The following DYNC2I2 variants were observed in gnomAD, a reference collection of about 807,000 sequenced individuals.
DYNC2I2 encodes the protein dynein 2 intermediate chain 2, also known as cytoplasmic dynein 2 intermediate chain 2.
Under a neutral mutation model 52.0 loss-of-function variants are expected in DYNC2I2, and 39 were observed. The observed-to-expected ratio is 0.75, with a 90% CI of 0.58 to 0.98. The LOEUF is 0.98. Ranked by LOEUF, DYNC2I2 falls within the 50% of genes least tolerant of loss-of-function variation. The pLI, the probability that DYNC2I2 is intolerant of heterozygous loss-of-function variation, is 0.00. For missense variants in DYNC2I2, 743 were observed against 728.4 expected (o/e 1.02, Z -0.23); for synonymous variants, 359 against 321.1 (o/e 1.12, Z -1.26).
the DYNC2I2 span, among the ~76,000 whole-genome samples, chr9:128,671,875 G>C: frequency 1.8e-3 from 279 of 151,548 alleles, 2 homozygotes; most frequent in Admixed American, 3.4e-3. Flanking sequence ...GGATGGTCTC[G>C]ATCTCCTGAC....
At chr9:128,647,731 CAAAAA>C (rs35883171) in intron 1 of DYNC2I2, among the ~76,000 whole-genome samples, 1 of 73,980 alleles carries the variant, frequency 1.4e-5, no homozygotes. Context: ...GACTCCATCT[CAAAAA>C]AAAAAAAAAA....
chr9:128,655,781 G>A (rs1292875035), intron 1 of DYNC2I2, among the ~76,000 whole-genome samples: 1 of 151,214 alleles, frequency 6.6e-6, no homozygotes, highest in Non-Finnish European at 1.5e-5. Context: ...CGTGCTGGCG[G>A]CCGCCTGTAG....
chr9:128,644,247 A>C (rs998132343), intron 1 of DYNC2I2, among the ~76,000 whole-genome samples: 1 of 150,994 alleles, frequency 6.6e-6, no homozygotes, highest in African/African-American at 2.4e-5. Flanking sequence ...TCACACAGCA[A>C]AAGGTGATCG....
intron 1 of DYNC2I2, among the ~76,000 whole-genome samples, chr9:128,644,358 T>C (rs1860573809): frequency 6.6e-6 from 1 of 151,264 alleles, no homozygotes; most frequent in Non-Finnish European, 1.5e-5. Flanking sequence ...GCAATCTAGC[T>C]CTGCCTCTTG....
the DYNC2I2 span, among the ~76,000 whole-genome samples, chr9:128,673,306 C>T: frequency 6.6e-6 from 1 of 152,128 alleles, no homozygotes; most frequent in Non-Finnish European, 1.5e-5. Flanking sequence ...TTGTCAAAAA[C>T]ATTTGTTAAT....
chr9:128,670,003 A>G, the DYNC2I2 span, among the ~76,000 whole-genome samples: 4 of 152,276 alleles, frequency 2.6e-5, no homozygotes, highest in East Asian at 5.8e-4. Flanking sequence ...TTGACTGGGC[A>G]TGGTGGTGAA....
At chr9:128,674,037 A>T in the DYNC2I2 span, among the ~76,000 whole-genome samples, 1 of 149,654 alleles carries the variant, frequency 6.7e-6, no homozygotes, top group Non-Finnish European at 1.5e-5. Flanking sequence ...CTAACTCCCA[A>T]CCTCAGGTGA....
intron 1 of DYNC2I2, among the ~76,000 whole-genome samples, chr9:128,654,060 G>A (rs916193909): frequency 7.9e-5 from 12 of 152,152 alleles, no homozygotes; most frequent in African/African-American, 2.9e-4. Flanking sequence ...GCTATTTTGA[G>A]TATTGCTTAA....
At chr9:128,674,514 A>G in the DYNC2I2 span, among the ~76,000 whole-genome samples, 8 of 151,028 alleles carry the variant, frequency 5.3e-5, no homozygotes, top group African/African-American at 1.9e-4. Flanking sequence ...GAGGCCAAGG[A>G]CGGTGGATCA....
At chr9:128,657,504 T>A (rs923276794), upstream of DYNC2I2, among the ~76,000 whole-genome samples, 2 of 151,638 alleles carry the variant, frequency 1.3e-5, no homozygotes, top group Non-Finnish European at 2.9e-5. Context: ...AAAATAAAAA[T>A]AAAGAATAAA....
chr9:128,676,532 ATT>A, the DYNC2I2 span, among the ~76,000 whole-genome samples: 1,540 of 134,138 alleles, frequency 0.011, 19 homozygotes, highest in African/African-American at 0.031. Context: ...ATGTGTTTGA[ATT>A]TTTTTTTTTT....
intron 1 of DYNC2I2, among the ~76,000 whole-genome samples, chr9:128,648,962 T>A (rs1303978437): frequency 1.3e-5 from 2 of 152,014 alleles, no homozygotes; most frequent in Non-Finnish European, 2.9e-5. Context: ...ACCATTCAAT[T>A]CAGCATTTCC....
At chr9:128,684,008 G>T in the DYNC2I2 span, 3 of 1,542,448 alleles carry the variant, frequency 1.9e-6, no homozygotes, top group Non-Finnish European at 2.6e-6. Context: ...AAGAAGGGAG[G>T]TACGTTTCTG....
At position 128,640,918 on chromosome 9, in the gene DYNC2I2, T is replaced by C. The variant is rs769015293; in HGVS notation, c.208A>G (p.Ile70Val). 6.3e-7 allele frequency: 1 copy of C among 1,596,414 alleles called. No individual in the cohort carries two copies. The highest frequency in any genetic ancestry group is 2.2e-5 in the East Asian group (1 of 44,590). Residue 70 changes from isoleucine (I) to valine (V), a missense_variant, in exon 2 of 9, where the codon ATT becomes GTT. Coordinates refer to ENST00000372715, the MANE Select transcript of DYNC2I2 (RefSeq NM_052844.4). ...WETKSCQTAS[I>V]ATASASAQAR... ...TGGGCGGATGCACTGGCAGTGGCAA[T>C]GCTGGCCGTCTGGCAACTTTTCTGG... is the stretch of plus-strand genomic sequence containing the variant.
chr9:128,679,817 A>G, the DYNC2I2 span, among the ~76,000 whole-genome samples: 3 of 151,574 alleles, frequency 2.0e-5, no homozygotes, highest in African/African-American at 7.3e-5. Context: ...ACTGCATTCC[A>G]GCCTGGGCAA....
intron 1 of DYNC2I2, among the ~76,000 whole-genome samples, chr9:128,655,457 G>A (rs2132186641): frequency 6.8e-6 from 1 of 146,758 alleles, no homozygotes; most frequent in South Asian, 2.2e-4. Context: ...CTTGCAGTGA[G>A]CAGAGATCGC....
chr9:128,674,642 C>T, the DYNC2I2 span, among the ~76,000 whole-genome samples: 1 of 152,104 alleles, frequency 6.6e-6, no homozygotes. Flanking sequence ...ACTTGGGAGG[C>T]TGAGGCAGGA....
intron 6 of DYNC2I2, 48 bp from the exon 7 acceptor site, chr9:128,634,969 G>T: frequency 6.2e-7 from 1 of 1,601,654 alleles, no homozygotes; most frequent in South Asian, 1.1e-5. Context: ...GCATCAGATG[G>T]CACTGTCCCA....
At position 128,640,861 on chromosome 9, in the gene DYNC2I2, T is replaced by C. The variant is rs769004254; in HGVS notation, c.265A>G (p.Thr89Ala). The change falls in exon 2 of 9, where the codon ACG becomes GCG. Residue 89 changes from threonine (T) to alanine (A), a missense_variant. By Grantham distance (58) the Thr-to-Ala change is moderately conservative. Coordinates refer to ENST00000372715, the MANE Select transcript of DYNC2I2 (RefSeq NM_052844.4). ...ACGCTGACAGGCACGGGGGCCTCCG[T>C]CTGCACCTGGGCGTCCACATGATTC... is the stretch of plus-strand genomic sequence containing the variant. The part of the protein sequence containing the change: ...ARNHVDAQVQ[T>A]EAPVPVSVQP... 1 of 1,613,868 alleles carries C rather than the reference T, an allele frequency of 6.2e-7. No individual in the cohort carries two copies. The highest frequency in any genetic ancestry group is 1.1e-5 in the South Asian group (1 of 91,076).
Sources: gnomAD v4.1 joint callset for allele counts (sites outside exome capture counted in the v4.1 genomes callset) on GRCh38, gnomAD v4.1.1 for gene constraint, MANE v1.5 for transcripts, NCBI Gene and HGNC (gene_info 2026-07-23, HGNC 2026-07-21) for gene names.